Variants in KCNQ1 observed in about 807,000 individuals in gnomAD.
KCNQ1 encodes the protein potassium voltage-gated channel subfamily Q member 1.
Under a neutral mutation model 72.4 loss-of-function variants are expected in KCNQ1, and 49 were observed. The observed-to-expected ratio is 0.68, with a 90% confidence interval of 0.54 to 0.86. The LOEUF (loss-of-function observed/expected upper bound fraction) is 0.86. KCNQ1 is among the 40% of genes least tolerant of loss of function. The pLI, the probability that KCNQ1 is intolerant of heterozygous loss-of-function variation, is 0.00. For synonymous variants in KCNQ1, 450 were observed against 412.6 expected, an observed-to-expected ratio of 1.09 and a Z score of -1.10; for missense variants, 790 against 945.1, an observed-to-expected ratio of 0.84 and a Z score of 2.15.
At chr11:2,552,538 C>T (rs1847998301) in intron 2 of KCNQ1, among the ~76,000 whole-genome samples, 1 of 152,182 alleles carries the variant, frequency 6.6e-6, no homozygotes, top group Non-Finnish European at 1.5e-5. Context: ...GTTCTGCCAG[C>T]TCCTTCACAT....
intron 1 of KCNQ1, among the ~76,000 whole-genome samples, chr11:2,499,408 C>A (rs1218225100): frequency 1.3e-5 from 2 of 151,960 alleles, no homozygotes; most frequent in Non-Finnish European, 2.9e-5. Context: ...AAGAGAATAT[C>A]TTCACCAGAA....
At position 2,567,703 on chromosome 11, in the gene KCNQ1, C is replaced by G. The variant is rs1848266922; in HGVS notation, c.478-2925C>G. On this transcript the variant is annotated intron_variant, in intron 2 of 15. Coordinates refer to ENST00000155840, the MANE Select transcript of KCNQ1 (RefSeq NM_000218.3). This position sits in a 1 kb window ranked among gnomAD's most constrained non-coding sequence, Gnocchi z 6.6. ...TCCCCAGCCATGCAGCCTTGCACTGCCTTCCCACATCCAGCTGGATTTGGG... is the reference window on the plus strand; with the variant it reads ...TCCCCAGCCATGCAGCCTTGCACTGGCTTCCCACATCCAGCTGGATTTGGG... Among the ~76,000 whole-genome samples, 1 of 152,230 alleles carries G rather than the reference C, an allele frequency of 6.6e-6. No homozygotes were observed. The highest frequency in any genetic ancestry group is 1.5e-5 in the Non-Finnish European group (1 of 68,044).
chr11:2,586,040 A>G (rs903322448), intron 8 of KCNQ1, among the ~76,000 whole-genome samples: 1 of 152,222 alleles, frequency 6.6e-6, no homozygotes, highest in Non-Finnish European at 1.5e-5. Context: ...TGGCCACTGC[A>G]GGGCCAGGGC....
chr11:2,801,183 AG>A, intron 15 of KCNQ1, among the ~76,000 whole-genome samples: 1 of 152,228 alleles, frequency 6.6e-6, no homozygotes, highest in East Asian at 1.9e-4. Context: ...AGCCCCCTAG[AG>A]GCTCCCCAGT....
chr11:2,847,477 G>A (rs988104100), intron 15 of KCNQ1, among the ~76,000 whole-genome samples: 2 of 152,250 alleles, frequency 1.3e-5, no homozygotes, highest in African/African-American at 4.8e-5. Context: ...AGAAGGAGGA[G>A]AGGAGAGCTC....
In KCNQ1 at chr11:2,755,499, C is replaced by T. The variant is rs186752899; in HGVS notation, c.1515-13345C>T. Among the ~76,000 whole-genome samples the T allele has an allele frequency of 1.2e-3, 190 of 152,292 alleles. 1 individual carries two copies. The highest frequency in any genetic ancestry group is 9.5e-3 in the Admixed American group (146 of 15,302). On this transcript the variant is annotated intron_variant, in intron 11 of 15. Transcript: ENST00000155840. ...AACTCCTGGCCTTAAGTGAGCCTCC[C>T]ACCTCACCCTTGGCCTTCCAAAGCA...
At position 2,516,865 on chromosome 11, in the gene KCNQ1, C is replaced by A. The variant is rs994067425; in HGVS notation, c.387-11063C>A. 2.6e-5 allele frequency among the ~76,000 whole-genome samples: 4 copies of A among 152,168 alleles called. No homozygotes were observed. The highest frequency in any genetic ancestry group is 5.9e-5 in the Non-Finnish European group (4 of 68,022). ...GGACATTGTTCTGGCCCCTCCTGAT[C>A]TCTCCCCCACCTTGCCACGACCCCC... On this transcript the variant is annotated intron_variant, in intron 1 of 15. Coordinates refer to ENST00000155840, the MANE Select transcript of KCNQ1 (RefSeq NM_000218.3). This position sits in a 1 kb window ranked among gnomAD's most constrained non-coding sequence, Gnocchi z 7.0.
At position 2,673,318 on chromosome 11, in the gene KCNQ1, C is replaced by T. The variant is rs1377472048; in HGVS notation, c.1514+11237C>T. The T allele has an allele frequency of 2.5e-6, 1 of 398,634 alleles. No individual in the cohort carries two copies. The highest frequency in any genetic ancestry group is 4.4e-6 in the Non-Finnish European group (1 of 226,166). 24.7% of individuals were successfully genotyped at this position (398,634 alleles called of 1,614,324 possible). A position where few individuals can be genotyped will look rare whatever the true frequency, so the allele number is the denominator to read the frequency against. On this transcript the variant is annotated intron_variant, in intron 11 of 15. Coordinates refer to ENST00000155840, the MANE Select transcript of KCNQ1 (RefSeq NM_000218.3). This position sits in a 1 kb window ranked among gnomAD's most constrained non-coding sequence, Gnocchi z 4.5. ...TTGAGAGAAACAATCCCACAGGCTACCAGGCCAGCTTTTGGAAACAGTCTC... is the reference window on the plus strand; with the variant it reads ...TTGAGAGAAACAATCCCACAGGCTATCAGGCCAGCTTTTGGAAACAGTCTC...
intron 1 of KCNQ1, among the ~76,000 whole-genome samples, chr11:2,500,684 C>A (rs1400017790): frequency 1.3e-5 from 2 of 152,250 alleles, no homozygotes; most frequent in Non-Finnish European, 2.9e-5. Context: ...CTGTGAAGTA[C>A]TATGCAGCCA....
rs1338207724 is a variant in KCNQ1 at position 2,698,041 on chromosome 11, T to C, written c.1514+35960T>C. On this transcript the variant is annotated intron_variant, in intron 11 of 15. Transcript: ENST00000155840. This position sits in a 1 kb window ranked among gnomAD's most constrained non-coding sequence, Gnocchi z 5.1. Reference sequence around the variant, plus strand: ...CAGAAATGGATCATTTGAGACACCATAGAAATCTGGTTAATCCTGCCTGCC... The same window carrying C: ...CAGAAATGGATCATTTGAGACACCACAGAAATCTGGTTAATCCTGCCTGCC... 1 of 398,560 alleles carries C rather than the reference T, an allele frequency of 2.5e-6. No homozygotes were observed. Among genetic ancestry groups the C allele is most frequent in the Non-Finnish European group, 4.4e-6 (1 of 226,074 alleles). 24.7% of individuals were successfully genotyped at this position (398,560 alleles called of 1,614,324 possible). A position where few individuals can be genotyped will look rare whatever the true frequency, so the allele number is the denominator to read the frequency against.
intron 1 of KCNQ1, among the ~76,000 whole-genome samples, chr11:2,476,439 C>T (rs1414140770): frequency 2.0e-5 from 3 of 152,204 alleles, no homozygotes; most frequent in East Asian, 3.9e-4. Context: ...TAGCTACAGG[C>T]ATTTTCCTTT....
chr11:2,608,700 G>A lies in KCNQ1; in HGVS notation c.1393+19846G>A, dbSNP rs1054076074. On this transcript the variant is annotated intron_variant, in intron 10 of 15. Coordinates refer to ENST00000155840, the MANE Select transcript of KCNQ1 (RefSeq NM_000218.3). This position sits in a 1 kb window ranked among gnomAD's most constrained non-coding sequence, Gnocchi z 4.6. ...GCTATTCTTGAACTCCTGGCCACAA[G>A]CAATTCTCGAACTCCTGGCCACAAG... The A allele has an allele frequency of 2.6e-6, 1 of 381,092 alleles. No individual in the cohort carries two copies. 23.6% of individuals were successfully genotyped at this position (381,092 alleles called of 1,614,324 possible).
rs1589887565 is a variant in KCNQ1 at position 2,451,589 on chromosome 11, G to A, written c.386+6105G>A. On this transcript the variant is annotated intron_variant, in intron 1 of 15. Coordinates refer to ENST00000155840, the MANE Select transcript of KCNQ1 (RefSeq NM_000218.3). This position sits in a 1 kb window ranked among gnomAD's most constrained non-coding sequence, Gnocchi z 6.4. ...CAGCAGAAAGGCTCCCAGGAGGGTC[G>A]TGGCTCCCTCATCGGCACCGGACTC... Among the ~76,000 whole-genome samples the A allele has an allele frequency of 1.3e-5, 2 of 152,176 alleles. No homozygotes were observed. Among genetic ancestry groups the A allele is most frequent in the Admixed American group, 6.5e-5 (1 of 15,282 alleles).
rs911089156 is a variant in KCNQ1 at position 2,670,365 on chromosome 11, G to A, written c.1514+8284G>A. 5 of 398,364 alleles carry A rather than the reference G, an allele frequency of 1.3e-5. No homozygotes were observed. Among genetic ancestry groups the A allele is most frequent in the African/African-American group, 1.0e-4 (5 of 48,568 alleles). The allele number at this position is 398,364 out of a possible 1,614,324, so 24.7% of individuals were successfully genotyped here. A position where few individuals can be genotyped will look rare whatever the true frequency, so the allele number is the denominator to read the frequency against. On this transcript the variant is annotated intron_variant, in intron 11 of 15. Transcript: ENST00000155840. The surrounding 1 kb of genome is among the most constrained non-coding windows in gnomAD (Gnocchi z 4.9). ...CAGTGGCTTTCAGATGGTTAGTATA[G>A]GCTGAAATTCCAAGAGCATTAACCA...
At chr11:2,560,995 G>A (rs896935097) in intron 2 of KCNQ1, among the ~76,000 whole-genome samples, 4 of 151,948 alleles carry the variant, frequency 2.6e-5, no homozygotes, top group African/African-American at 9.7e-5. Flanking sequence ...GAGGTCAGGA[G>A]ATCGAGACCA....
chr11:2,796,051 C>T (rs149533427), intron 15 of KCNQ1, among the ~76,000 whole-genome samples: 1 of 152,330 alleles, frequency 6.6e-6, no homozygotes, highest in East Asian at 1.9e-4. Context: ...CTTGAACCCA[C>T]CGTGCTTGGT....
At chr11:2,779,484 C>A (rs930096173) in intron 15 of KCNQ1, among the ~76,000 whole-genome samples, 1 of 152,096 alleles carries the variant, frequency 6.6e-6, no homozygotes, top group African/African-American at 2.4e-5. Flanking sequence ...GCCAGGCAGG[C>A]GGGGCGTGAA....
intron 6 of KCNQ1, among the ~76,000 whole-genome samples, chr11:2,582,716 C>T (rs576849154): frequency 1.2e-4 from 18 of 152,198 alleles, no homozygotes; most frequent in Non-Finnish European, 2.5e-4. Context: ...TTGGGCTCAG[C>T]GCCAGCTCCT....
rs1453749711 is a variant in KCNQ1 at position 2,713,224 on chromosome 11, G to C, written c.1514+51143G>C. 3.3e-5 allele frequency among the ~76,000 whole-genome samples: 5 copies of C among 151,988 alleles called. No homozygotes were observed. Among genetic ancestry groups the C allele is most frequent in the African/African-American group, 1.2e-4 (5 of 41,340 alleles). ...GGAGCCCCTACTTGCTTGGTGTCCC[G>C]AGCCAGCCGGACCTGCATCCCGCTC... On this transcript the variant is annotated intron_variant, in intron 11 of 15. Coordinates refer to ENST00000155840, the MANE Select transcript of KCNQ1 (RefSeq NM_000218.3). This position sits in a 1 kb window ranked among gnomAD's most constrained non-coding sequence, Gnocchi z 5.6.
Sources: gnomAD v4.1 joint callset for allele counts (sites outside exome capture counted in the v4.1 genomes callset) on GRCh38, gnomAD v4.1.1 for gene constraint, Gnocchi (gnomAD v3.1) non-coding constraint, MANE v1.5 for transcripts, NCBI Gene and HGNC (gene_info 2026-07-23, HGNC 2026-07-21) for gene names.